Variants in MINDY4 observed in about 807,000 individuals in gnomAD.
MINDY4 encodes the protein probable ubiquitin carboxyl-terminal hydrolase MINDY-4.
A neutral mutation model predicts 87.0 loss-of-function variants in MINDY4; 68 were observed. The ratio of observed to expected loss-of-function variants is 0.78; its 90% CI spans 0.64 to 0.96. The LOEUF (loss-of-function observed/expected upper bound fraction) is 0.96. MINDY4 is among the 40% of genes least tolerant of loss of function. The pLI is 0.00. For synonymous variants in MINDY4, 379 were observed against 363.2 expected, an observed-to-expected ratio of 1.04 and a Z score of -0.50; for missense variants, 919 against 928.2, an observed-to-expected ratio of 0.99 and a Z score of 0.13.
At chr7:30,826,325 A>C (rs1432786941) in intron 5 of MINDY4, among the ~76,000 whole-genome samples, 1 of 152,200 alleles carries the variant, frequency 6.6e-6, no homozygotes, top group Non-Finnish European at 1.5e-5. Flanking sequence ...TCTTCTGGGC[A>C]GTGAGGTAGG....
At chr7:30,830,989 A>G (rs1788684671) in intron 6 of MINDY4, among the ~76,000 whole-genome samples, 1 of 152,204 alleles carries the variant, frequency 6.6e-6, no homozygotes, top group South Asian at 2.1e-4. Context: ...AGAGCTGGAC[A>G]GCAAGTCACT....
chr7:30,828,330 G>T (rs1320605292), intron 5 of MINDY4, among the ~76,000 whole-genome samples: 1 of 152,072 alleles, frequency 6.6e-6, no homozygotes, highest in African/African-American at 2.4e-5. Flanking sequence ...GTGTGTGTGT[G>T]TGTGTGTGTG....
chr7:30,833,471 A>G (rs1464754432), intron 6 of MINDY4, among the ~76,000 whole-genome samples: 1 of 152,212 alleles, frequency 6.6e-6, no homozygotes, highest in Non-Finnish European at 1.5e-5. Context: ...TATCTCCCAC[A>G]GTGTCCTTCC....
chr7:30,838,813 G>A (rs868090327), intron 7 of MINDY4, among the ~76,000 whole-genome samples: 10 of 152,208 alleles, frequency 6.6e-5, no homozygotes, highest in African/African-American at 2.4e-4. Flanking sequence ...TAGGAACTTC[G>A]TATCCTAGAT....
At chr7:30,878,477 C>A (rs1387963120) in intron 15 of MINDY4, among the ~76,000 whole-genome samples, 1 of 152,190 alleles carries the variant, frequency 6.6e-6, no homozygotes, top group Non-Finnish European at 1.5e-5. Flanking sequence ...TGTGACCCCA[C>A]CAGCTGGTCT....
At chr7:30,804,237 T>G (rs907481590) in intron 5 of MINDY4, among the ~76,000 whole-genome samples, 2 of 152,212 alleles carry the variant, frequency 1.3e-5, no homozygotes, top group Non-Finnish European at 2.9e-5. Context: ...GTGTGCCTCA[T>G]TCCAGAAAAT....
rs1187938560 is a variant in MINDY4, at chr7:30,781,076, A to C, written c.184-901A>C. On this transcript the variant is annotated intron_variant, in intron 2 of 17. Coordinates refer to ENST00000265299, the MANE Select transcript of MINDY4 (RefSeq NM_032222.3). Reference sequence around the variant, plus strand: ...AAGGGGGAGGACTTGGCATGCCCTGAGGGCCTGCTCTGCCAGACTCCTTGT... The same window carrying C: ...AAGGGGGAGGACTTGGCATGCCCTGCGGGCCTGCTCTGCCAGACTCCTTGT... 9 of 152,388 alleles carry C rather than the reference A, an allele frequency of 5.9e-5. No homozygotes were observed. The East Asian group carries it at 1.5e-3, about 26-fold the overall frequency. The allele number at this position is 152,388 out of a possible 1,614,324, so 9.4% of individuals were successfully genotyped here. A position where few individuals can be genotyped will look rare whatever the true frequency, so the allele number is the denominator to read the frequency against.
intron 6 of MINDY4, among the ~76,000 whole-genome samples, chr7:30,831,753 T>G (rs571492125): frequency 6.6e-6 from 1 of 152,312 alleles, no homozygotes; most frequent in East Asian, 1.9e-4. Flanking sequence ...ATTCTCCCTA[T>G]GGAATCTTCC....
intron 5 of MINDY4, among the ~76,000 whole-genome samples, chr7:30,792,123 C>T (rs1345049849): frequency 2.6e-5 from 4 of 152,136 alleles, no homozygotes; most frequent in Non-Finnish European, 4.4e-5. Context: ...GGCATTATTT[C>T]TATTTTATTT....
intron 5 of MINDY4, among the ~76,000 whole-genome samples, chr7:30,818,870 T>C (rs1788239919): frequency 6.6e-6 from 1 of 152,242 alleles, no homozygotes; most frequent in Non-Finnish European, 1.5e-5. Context: ...TTGAACTTAT[T>C]CATACTAGTT....
chr7:30,846,943 C>T (rs567572629), intron 9 of MINDY4, among the ~76,000 whole-genome samples: 11 of 152,270 alleles, frequency 7.2e-5, no homozygotes, highest in African/African-American at 1.7e-4. Flanking sequence ...CTGGCTCGTC[C>T]GCTGCTCACC....
chr7:30,793,156 T>TTTTTGTTTATA (rs11271938), intron 5 of MINDY4, among the ~76,000 whole-genome samples: 45,110 of 116,326 alleles, frequency 0.39, 8,819 homozygotes, highest in African/African-American at 0.64. Flanking sequence ...TATTGTTTAT[T>TTTTTGTTTATA]TAATTGTTTA....
intron 5 of MINDY4, among the ~76,000 whole-genome samples, chr7:30,799,954 A>T (rs1787598139): frequency 6.6e-6 from 1 of 152,162 alleles, no homozygotes; most frequent in Admixed American, 6.5e-5. Flanking sequence ...TGTTTAAGGC[A>T]AGGGAGTGAG....
At chr7:30,826,927 T>C (rs1788532457) in intron 5 of MINDY4, among the ~76,000 whole-genome samples, 1 of 152,168 alleles carries the variant, frequency 6.6e-6, no homozygotes, top group Admixed American at 6.5e-5. Flanking sequence ...TTGTTATTAT[T>C]GATGGTGATG....
rs575497170 is a variant in MINDY4 at position 30,824,904 on chromosome 7, G to A, written c.1074-3775G>A. Among the ~76,000 whole-genome samples, 15 of 152,274 alleles carry A rather than the reference G, an allele frequency of 9.9e-5. No homozygotes were observed. In the South Asian group the frequency reaches 2.7e-3, roughly 27 times the overall value. On this transcript the variant is annotated intron_variant, in intron 5 of 17. Coordinates refer to ENST00000265299, the MANE Select transcript of MINDY4 (RefSeq NM_032222.3). ...AGAGTGGCTCTTTCCACCAAGCCAA[G>A]GATTCAGTTATTCAGAGATTGAGTC...
intron 14 of MINDY4, among the ~76,000 whole-genome samples, chr7:30,874,574 C>T (rs1042025614): frequency 6.6e-6 from 1 of 152,222 alleles, no homozygotes; most frequent in Non-Finnish European, 1.5e-5. Context: ...TCACTTTCTC[C>T]AAGTTCCAGG....
intron 5 of MINDY4, among the ~76,000 whole-genome samples, chr7:30,813,928 G>A (rs1177439067): frequency 6.6e-6 from 1 of 152,190 alleles, no homozygotes; most frequent in Non-Finnish European, 1.5e-5. Context: ...AGGGTGGAAG[G>A]AAGCATAGCT....
intron 14 of MINDY4, 110 bp downstream of exon 14, chr7:30,872,416 C>A: frequency 1.0e-6 from 1 of 999,234 alleles, no homozygotes; most frequent in Non-Finnish European, 1.5e-6. Flanking sequence ...TCTTTCTTGC[C>A]TCTGCCAACA....
At chr7:30,863,270 G>C (rs1171115768) in intron 13 of MINDY4, among the ~76,000 whole-genome samples, 3 of 152,214 alleles carry the variant, frequency 2.0e-5, no homozygotes, top group African/African-American at 4.8e-5. Flanking sequence ...CTGCAGTTCA[G>C]CTGGAGAGAA....
Sources: allele counts gnomAD v4.1 joint callset (sites outside exome capture counted in the v4.1 genomes callset), GRCh38; gene constraint gnomAD v4.1.1; transcripts MANE v1.5; gene names NCBI Gene and HGNC (gene_info 2026-07-23, HGNC 2026-07-21).